Variants in DENND1A observed in about 807,000 individuals in gnomAD.
DENND1A encodes DENN domain-containing protein 1A.
Under a neutral mutation model 113.7 loss-of-function variants are expected in DENND1A, and 51 were observed. That is an observed-to-expected ratio of 0.45 (90% confidence interval 0.36 to 0.57). The LOEUF (loss-of-function observed/expected upper bound fraction) is 0.57, where lower values mean the gene tolerates loss of function less well. Ranked by LOEUF, DENND1A falls within the 20% of genes least tolerant of loss-of-function variation. The pLI is 0.00. For missense variants in DENND1A, 1,258 were observed against 1,395.9 expected (o/e 0.90, Z 1.57); for synonymous variants, 565 against 570.8 (o/e 0.99, Z 0.14).
Position 123,707,287 on chromosome 9 carries a change from G to A in DENND1A, c.303-30498C>T, listed in dbSNP as rs139282584. On this transcript the variant is annotated intron_variant, in intron 5 of 23. Coordinates refer to ENST00000394215, the MANE Select transcript of DENND1A (RefSeq NM_001352964.2). ...CGCATGCCTGTAATCCCAGCTACTC[G>A]CGAGGCTGAGGCAGGAGAATCACTT... 3.1e-3 allele frequency among the ~76,000 whole-genome samples: 467 copies of A among 152,046 alleles called. 2 individuals are homozygous for A. Among genetic ancestry groups the A allele is most frequent in the African/African-American group, 9.2e-3 (383 of 41,466 alleles).
chr9:123,567,430 A>AC (rs1554883510), intron 12 of DENND1A, among the ~76,000 whole-genome samples: 1 of 151,842 alleles, frequency 6.6e-6, no homozygotes, highest in Non-Finnish European at 1.5e-5. Flanking sequence ...ACATCCACCA[A>AC]TTTTTTTTTA....
At chr9:123,711,338 G>A (rs1053703265) in intron 5 of DENND1A, among the ~76,000 whole-genome samples, 9 of 151,302 alleles carry the variant, frequency 5.9e-5, no homozygotes, top group African/African-American at 2.2e-4. Flanking sequence ...GGTGGCGGGT[G>A]CCTATAATCA....
chr9:123,858,410 T>C (rs1394063406), intron 2 of DENND1A, among the ~76,000 whole-genome samples: 3 of 152,202 alleles, frequency 2.0e-5, no homozygotes, highest in African/African-American at 4.8e-5. Context: ...TTTTTTTAAA[T>C]CTTTAAAAAA....
intron 14 of DENND1A, 67 bp downstream of exon 14, chr9:123,457,726 G>T: frequency 6.9e-7 from 1 of 1,453,392 alleles, no homozygotes; most frequent in Non-Finnish European, 9.4e-7. Flanking sequence ...TCAGTACTTA[G>T]AGTGGAGACA....
At chr9:123,426,470 C>T (rs904573502) in intron 19 of DENND1A, among the ~76,000 whole-genome samples, 1 of 152,156 alleles carries the variant, frequency 6.6e-6, no homozygotes, top group Admixed American at 6.5e-5. Context: ...AAACCTGGAG[C>T]TCCCAGAACA....
Position 123,790,106 on chromosome 9 carries a change from G to A in DENND1A, c.132+2481C>T, listed in dbSNP as rs943569190. On this transcript the variant is annotated intron_variant, in intron 3 of 23. Transcript: ENST00000394215. Reference sequence around the variant, plus strand: ...ATGTTTTAATACTAGAAATGTTGTCGAGATTAAGTGCATATTCAGCATTTA... The same window carrying A: ...ATGTTTTAATACTAGAAATGTTGTCAAGATTAAGTGCATATTCAGCATTTA... Among the ~76,000 whole-genome samples, 4 of 151,986 alleles carry A rather than the reference G, an allele frequency of 2.6e-5. No individual in the cohort carries two copies. In the South Asian group the frequency reaches 6.2e-4, roughly 24 times the overall value.
chr9:123,436,648 C>G (rs1588519378), intron 19 of DENND1A, among the ~76,000 whole-genome samples: 1 of 152,212 alleles, frequency 6.6e-6, no homozygotes, highest in African/African-American at 2.4e-5. Context: ...GAGGCAGAGG[C>G]TAACTAGAAA....
chr9:123,402,002 C>T lies in DENND1A; in HGVS notation c.1631+1400G>A, dbSNP rs2043510701. On this transcript the variant is annotated intron_variant, in intron 21 of 23. Transcript: ENST00000394215. ...TGGTACAGTGTCTAAAAGGTTTAGT[C>T]CAGTTTTAAAGAGGGGACTTCAAAG... is the stretch of plus-strand genomic sequence containing the variant. The T allele has an allele frequency of 3.0e-5, 47 of 1,568,514 alleles. 2 individuals are homozygous for T. In the South Asian group the frequency reaches 5.2e-4, roughly 17 times the overall value.
intron 2 of DENND1A, among the ~76,000 whole-genome samples, chr9:123,875,899 A>G (rs1403402494): frequency 6.6e-6 from 1 of 152,210 alleles, no homozygotes; most frequent in Admixed American, 6.5e-5. Flanking sequence ...GCATCAGGCC[A>G]AGGCAGGGGT....
chr9:123,884,379 G>C (rs986575694), intron 1 of DENND1A, among the ~76,000 whole-genome samples: 3 of 152,164 alleles, frequency 2.0e-5, no homozygotes, highest in African/African-American at 7.2e-5. Context: ...ATGGACCCAA[G>C]TTTTCCCAGA....
chr9:123,803,221 A>C (rs951982582), intron 2 of DENND1A, among the ~76,000 whole-genome samples: 1 of 152,196 alleles, frequency 6.6e-6, no homozygotes, highest in Non-Finnish European at 1.5e-5. Flanking sequence ...TATACTTGGA[A>C]ACTCCTGACA....
intron 13 of DENND1A, among the ~76,000 whole-genome samples, chr9:123,470,045 T>A (rs1320934162): frequency 6.6e-6 from 1 of 152,202 alleles, no homozygotes; most frequent in Non-Finnish European, 1.5e-5. Flanking sequence ...TCTAAGGTGA[T>A]GTTGAACAGA....
At chr9:123,576,875 A>G (rs2058666834) in intron 12 of DENND1A, among the ~76,000 whole-genome samples, 1 of 152,186 alleles carries the variant, frequency 6.6e-6, no homozygotes, top group African/African-American at 2.4e-5. Flanking sequence ...GTCTGCTAGA[A>G]TTACTTCTCA....
At chr9:123,443,819 G>A (rs1181265841) in intron 18 of DENND1A, among the ~76,000 whole-genome samples, 5 of 152,176 alleles carry the variant, frequency 3.3e-5, no homozygotes, top group Admixed American at 3.3e-4. Context: ...AGCTGGATGC[G>A]GCAGTGTATG....
At chr9:123,631,038 A>G (rs796758877) in intron 9 of DENND1A, among the ~76,000 whole-genome samples, 7 of 152,354 alleles carry the variant, frequency 4.6e-5, no homozygotes, top group African/African-American at 1.4e-4. Flanking sequence ...TAATATCATC[A>G]TACAGGTCAA....
chr9:123,765,100 T>C (rs1043891266), intron 4 of DENND1A, among the ~76,000 whole-genome samples: 3 of 152,222 alleles, frequency 2.0e-5, no homozygotes, highest in Admixed American at 6.5e-5. Flanking sequence ...CATTTTTTTC[T>C]TTCTCTCAGT....
rs2060313667 is a variant in DENND1A at position 123,609,428 on chromosome 9, C to T, written c.765+8G>A. 6.2e-7 allele frequency: 1 copy of T among 1,613,268 alleles called. No individual in the cohort carries two copies. The highest frequency in any genetic ancestry group is 1.3e-5 in the African/African-American group (1 of 74,904). On this transcript the variant is annotated splice_region_variant and intron_variant, in intron 11 of 23. Transcript: ENST00000394215. ...AGAGCCATCTGGGGAGGAAAGAAGCCAACTTACCTCCATTAAACTTAAATG... is the reference window on the plus strand; with the variant it reads ...AGAGCCATCTGGGGAGGAAAGAAGCTAACTTACCTCCATTAAACTTAAATG...
chr9:123,547,205 C>T (rs758909232), intron 13 of DENND1A, among the ~76,000 whole-genome samples: 2 of 152,176 alleles, frequency 1.3e-5, no homozygotes, highest in Non-Finnish European at 2.9e-5. Flanking sequence ...TGAATTAAGC[C>T]TCAATTATAT....
intron 2 of DENND1A, among the ~76,000 whole-genome samples, chr9:123,868,250 C>A (rs536993824): frequency 1.4e-4 from 22 of 152,258 alleles, no homozygotes; most frequent in Admixed American, 7.2e-4. Context: ...AGGGCATAAG[C>A]TGAGGGCTTT....
Sources: gnomAD v4.1 joint callset for allele counts (sites outside exome capture counted in the v4.1 genomes callset) on GRCh38, gnomAD v4.1.1 for gene constraint, MANE v1.5 for transcripts, NCBI Gene and HGNC (gene_info 2026-07-23, HGNC 2026-07-21) for gene names.